The following CDKAL1 variants were observed in gnomAD, a reference collection of about 807,000 sequenced individuals.
The protein encoded by CDKAL1 is threonylcarbamoyladenosine tRNA methylthiotransferase.
A neutral mutation model predicts 68.2 loss-of-function variants in CDKAL1; 32 were observed. That is an observed-to-expected ratio of 0.47 (90% CI 0.35 to 0.63). The LOEUF (loss-of-function observed/expected upper bound fraction) is 0.63. Among genes scored for constraint, CDKAL1 ranks in the 30% least tolerant of loss-of-function variants. CDKAL1 has a pLI of 0.00. For synonymous variants in CDKAL1, 234 were observed against 244.3 expected (o/e 0.96, Z 0.39); for missense variants, 606 against 696.7 (o/e 0.87, Z 1.47).
At chr6:21,158,511 A>G (rs1396115379) in intron 13 of CDKAL1, among the ~76,000 whole-genome samples, 1 of 152,248 alleles carries the variant, frequency 6.6e-6, no homozygotes, top group Non-Finnish European at 1.5e-5. Flanking sequence ...GCTCCAAGCC[A>G]GATAACTACA....
At chr6:20,544,643 A>G (rs1408162990) in intron 2 of CDKAL1, among the ~76,000 whole-genome samples, 5 of 149,796 alleles carry the variant, frequency 3.3e-5, no homozygotes, top group Non-Finnish European at 7.4e-5. Context: ...AGTTCTTCTT[A>G]CTTTACTCTT....
chr6:20,724,570 A>AT (rs1039086238), intron 5 of CDKAL1, among the ~76,000 whole-genome samples: 1 of 151,962 alleles, frequency 6.6e-6, no homozygotes, highest in Non-Finnish European at 1.5e-5. Context: ...AGAAAAAAAA[A>AT]GCTGAGAGTG....
chr6:20,950,579 T>G (rs984466189), intron 9 of CDKAL1, among the ~76,000 whole-genome samples: 1 of 152,156 alleles, frequency 6.6e-6, no homozygotes, highest in African/African-American at 2.4e-5. Context: ...TGTATTTTCC[T>G]TAGTGGGAGA....
chr6:20,636,542 T>C (rs1020323788), intron 4 of CDKAL1, among the ~76,000 whole-genome samples: 1 of 152,202 alleles, frequency 6.6e-6, no homozygotes, highest in African/African-American at 2.4e-5. Context: ...GTGTGTGAAC[T>C]AGAAGTATAA....
At chr6:20,725,408 G>A (rs1772595641) in intron 5 of CDKAL1, among the ~76,000 whole-genome samples, 1 of 152,214 alleles carries the variant, frequency 6.6e-6, no homozygotes, top group South Asian at 2.1e-4. Flanking sequence ...TGCAAGGTGA[G>A]TTTTGAATGC....
At chr6:20,934,256 T>C (rs1763600857) in intron 9 of CDKAL1, among the ~76,000 whole-genome samples, 1 of 152,196 alleles carries the variant, frequency 6.6e-6, no homozygotes, top group South Asian at 2.1e-4. Context: ...AATGTGGATG[T>C]AGACATCCAT....
Position 20,872,669 on chromosome 6 carries a change from T to A in CDKAL1, c.742+26491T>A, listed in dbSNP as rs569843387. On this transcript the variant is annotated intron_variant, in intron 9 of 15. Transcript: ENST00000274695. ...GCCTTGTGTCCTATTCGTTTTCCTT[T>A]TAATCAAAGAGAACATATTAACAAA... 2.0e-5 allele frequency among the ~76,000 whole-genome samples: 3 copies of A among 152,018 alleles called. No homozygotes were observed. In the East Asian group the frequency reaches 5.8e-4, roughly 29 times the overall value.
chr6:20,892,361 A>G (rs904449224), intron 9 of CDKAL1, among the ~76,000 whole-genome samples: 2 of 152,214 alleles, frequency 1.3e-5, no homozygotes, highest in Non-Finnish European at 2.9e-5. Context: ...AAAACTTGAC[A>G]ATTATAAGAC....
At chr6:21,003,371 TACACACACACACAC>T (rs55839331) in intron 11 of CDKAL1, among the ~76,000 whole-genome samples, 64 of 49,232 alleles carry the variant, frequency 1.3e-3, no homozygotes, top group African/African-American at 1.7e-3. Context: ...TATATATATA[TACACACACACACAC>T]ACACATATAT....
chr6:21,062,692 A>G (rs1483587422), intron 11 of CDKAL1, among the ~76,000 whole-genome samples: 1 of 152,192 alleles, frequency 6.6e-6, no homozygotes, highest in Non-Finnish European at 1.5e-5. Context: ...TAGGAACAAA[A>G]TATTTTAAAA....
chr6:21,032,767 G>A (rs1050203633), intron 11 of CDKAL1, among the ~76,000 whole-genome samples: 23 of 152,292 alleles, frequency 1.5e-4, no homozygotes, highest in East Asian at 3.9e-4. Flanking sequence ...TAGCCTAGGC[G>A]TGTGGTAGGT....
rs530323703 is a variant in CDKAL1, at chr6:21,072,491, C to A, written c.1236+7263C>A. Among the ~76,000 whole-genome samples, 37 of 132,744 alleles carry A rather than the reference C, an allele frequency of 2.8e-4. 1 individual carries two copies. The highest frequency in any genetic ancestry group is 1.0e-3 in the African/African-American group (35 of 34,938). 87.1% of individuals were successfully genotyped at this position (132,744 alleles called of 152,430 possible). On this transcript the variant is annotated intron_variant, in intron 12 of 15. Transcript: ENST00000274695. Reference sequence around the variant, plus strand: ...GCTTTTAAATGCCTTTTTTTCGGAGCTTGCAGTGAGCCAAGATTGTGCCAT... The same window carrying A: ...GCTTTTAAATGCCTTTTTTTCGGAGATTGCAGTGAGCCAAGATTGTGCCAT...
At chr6:20,695,079 A>C (rs999705282) in intron 5 of CDKAL1, among the ~76,000 whole-genome samples, 5 of 152,136 alleles carry the variant, frequency 3.3e-5, no homozygotes, top group African/African-American at 1.2e-4. Context: ...TTATAGTGAC[A>C]CAGACTGACT....
At chr6:20,762,530 T>C (rs1446921956) in intron 7 of CDKAL1, among the ~76,000 whole-genome samples, 1 of 152,232 alleles carries the variant, frequency 6.6e-6, no homozygotes, top group East Asian at 1.9e-4. Context: ...GCTTTCTATG[T>C]CTACTGCCAG....
Position 21,232,109 on chromosome 6 carries a change from C to T in CDKAL1, c.*1070C>T, listed in dbSNP as rs879116401. The T allele has an allele frequency of 2.7e-5, 4 of 148,920 alleles. No individual in the cohort carries two copies. In the South Asian group the frequency reaches 8.8e-4, roughly 33 times the overall value. 9.2% of individuals were successfully genotyped at this position (148,920 alleles called of 1,614,324 possible). ...GCAGCCTTGACCTCCTGGACTCAAG[C>T]AGTCCTCCTACCTCAGCCTCCCTAA... On this transcript the variant is annotated 3_prime_UTR_variant, in exon 16 of 16. Transcript: ENST00000274695.
chr6:20,700,429 T>G (rs951602095), intron 5 of CDKAL1, among the ~76,000 whole-genome samples: 6 of 152,116 alleles, frequency 3.9e-5, no homozygotes, highest in Non-Finnish European at 7.4e-5. Flanking sequence ...CCTTAAATGT[T>G]CAATTTTGAA....
At chr6:21,109,815 T>TAAC (rs1351357573) in intron 13 of CDKAL1, among the ~76,000 whole-genome samples, 1 of 152,144 alleles carries the variant, frequency 6.6e-6, no homozygotes. Context: ...AGTTAACATT[T>TAAC]AACAACAACA....
intron 4 of CDKAL1, among the ~76,000 whole-genome samples, chr6:20,574,834 C>A (rs1322599440): frequency 6.6e-6 from 1 of 151,954 alleles, no homozygotes; most frequent in African/African-American, 2.4e-5. Context: ...GGAACATTTT[C>A]CATTTGGTGG....
intron 10 of CDKAL1, among the ~76,000 whole-genome samples, chr6:20,973,709 A>G (rs956189975): frequency 3.9e-5 from 6 of 151,954 alleles, no homozygotes; most frequent in African/African-American, 1.5e-4. Context: ...GGTTCAAGTG[A>G]TCCTCCCACC....
Sources: gnomAD v4.1 joint callset for allele counts (sites outside exome capture counted in the v4.1 genomes callset) on GRCh38, gnomAD v4.1.1 for gene constraint, MANE v1.5 for transcripts, NCBI Gene and HGNC (gene_info 2026-07-23, HGNC 2026-07-21) for gene names.